The following SBNO2 variants were observed in gnomAD, a reference collection of about 807,000 sequenced individuals.
SBNO2 encodes the protein strawberry notch homolog 2, also known as protein strawberry notch homolog 2.
In SBNO2, 89 loss-of-function variants were observed where a neutral mutation model predicts 146.3. That is an observed-to-expected ratio of 0.61 (90% CI 0.51 to 0.73). The LOEUF is 0.73. Ranked by LOEUF, SBNO2 falls within the 30% of genes least tolerant of loss-of-function variation. The pLI is 0.00. For synonymous variants in SBNO2, 1,147 were observed against 892.6 expected (o/e 1.29, Z -5.08); for missense variants, 2,092 against 2,003.7 (o/e 1.04, Z -0.84).
rs2079733807 is a variant in SBNO2 at position 1,109,855 on chromosome 19, G to A, written c.3029-78C>T. The stretch of plus-strand genomic sequence containing the variant: ...GGGCCAGGGTCAGTCCCGTAGCCGG[G>A]GCGCACCCTAGAGACGACCCCCCGA... On this transcript the variant is annotated intron_variant, in intron 26 of 31. Transcript: ENST00000361757. The surrounding 1 kb of genome is among the most constrained non-coding windows in gnomAD (Gnocchi z 4.2). The A allele has an allele frequency of 8.8e-7, 1 of 1,132,118 alleles. No individual in the cohort carries two copies. Among genetic ancestry groups the A allele is most frequent in the Non-Finnish European group, 1.3e-6 (1 of 792,524 alleles). 70.1% of individuals were successfully genotyped at this position (1,132,118 alleles called of 1,614,324 possible).
At chr19:1,118,215 G>C (rs779948119) in intron 14 of SBNO2, among the ~76,000 whole-genome samples, 82 of 152,324 alleles carry the variant, frequency 5.4e-4, no homozygotes, top group Middle Eastern at 6.8e-3. Context: ...GCACATGCCT[G>C]TAACCCCAGC....
intron 1 of SBNO2, among the ~76,000 whole-genome samples, chr19:1,164,615 G>A (rs1343930918): frequency 3.4e-5 from 5 of 145,348 alleles, no homozygotes; most frequent in Non-Finnish European, 7.6e-5. Flanking sequence ...GGAGGAGGAG[G>A]AGGAGGAACA....
chr19:1,113,676 C>T lies in SBNO2; in HGVS notation c.2106G>A (p.Pro702=), dbSNP rs772449297. 134 of 1,590,072 alleles carry T rather than the reference C, an allele frequency of 8.4e-5. No individual in the cohort carries two copies. The highest frequency in any genetic ancestry group is 1.9e-4 in the South Asian group (17 of 88,844). The change falls in exon 19 of 32, where the codon CCG becomes CCA. Residue 702 remains proline (P), a synonymous_variant. Transcript: ENST00000361757. ...RGPLCLLQRD[P]HGPGVLERVE... is the part of the protein sequence containing the mutation. ...CCCGCTCCAGGACCCCGGGGCCATG[C>T]GGGTCTCTCTGCAGGAGGCACAGGG...
chr19:1,159,036 C>T (rs2080318811), intron 1 of SBNO2, among the ~76,000 whole-genome samples: 1 of 151,212 alleles, frequency 6.6e-6, no homozygotes, highest in African/African-American at 2.4e-5. Flanking sequence ...CATGACCCCA[C>T]CTGCAGCCAT....
chr19:1,169,804 G>C (rs1412819273), intron 1 of SBNO2, among the ~76,000 whole-genome samples: 1 of 152,184 alleles, frequency 6.6e-6, no homozygotes, highest in Non-Finnish European at 1.5e-5. Flanking sequence ...CACACCAGGA[G>C]GGGCACCTGT....
intron 1 of SBNO2, among the ~76,000 whole-genome samples, chr19:1,161,058 G>A (rs1177485701): frequency 7.1e-6 from 1 of 139,868 alleles, no homozygotes; most frequent in Non-Finnish European, 1.6e-5. Context: ...CGGGAGCACC[G>A]GGAGGTGGGG....
chr19:1,108,748 G>A, intron 31 of SBNO2, 31 bp downstream of exon 31: 1 of 1,590,952 alleles, frequency 6.3e-7, no homozygotes, highest in Non-Finnish European at 8.5e-7. Flanking sequence ...TGGGGGCTCG[G>A]GCCTTCCCGG....
chr19:1,109,450 C>A lies in SBNO2; in HGVS notation c.3217-27G>T. 5.1e-6 allele frequency: 8 copies of A among 1,563,292 alleles called. No homozygotes were observed. Among genetic ancestry groups the A allele is most frequent in the Non-Finnish European group, 6.9e-6 (8 of 1,155,154 alleles). On this transcript the variant is annotated intron_variant, in intron 28 of 31. Coordinates refer to ENST00000361757, the MANE Select transcript of SBNO2 (RefSeq NM_014963.3). This position sits in a 1 kb window ranked among gnomAD's most constrained non-coding sequence, Gnocchi z 4.2. The stretch of plus-strand genomic sequence containing the variant: ...TGCGGAGGGGGGCGTTGAGGCCGCG[C>A]CCCGGTCCGCCCCCCGCGGGCCCTC...
At chr19:1,159,082 C>T (rs975688833) in intron 1 of SBNO2, among the ~76,000 whole-genome samples, 22 of 152,164 alleles carry the variant, frequency 1.4e-4, no homozygotes, top group African/African-American at 5.1e-4. Flanking sequence ...GCCCCACAGC[C>T]GTGACCCCAC....
intron 19 of SBNO2, 116 bp from the exon 20 acceptor site, chr19:1,113,065 C>A: frequency 8.3e-7 from 1 of 1,207,902 alleles, no homozygotes; most frequent in Non-Finnish European, 1.1e-6. Flanking sequence ...CAGCTGTGCA[C>A]GGGAGGTGGG....
chr19:1,132,364 C>T, intron 4 of SBNO2: 2 of 1,156,250 alleles, frequency 1.7e-6, no homozygotes, highest in East Asian at 3.2e-5. Flanking sequence ...AGGGCAATTA[C>T]CGGCAGTGCG....
chr19:1,122,592 T>TTGCCC, intron 9 of SBNO2, 34 bp from the exon 10 acceptor site: 1 of 1,455,710 alleles, frequency 6.9e-7, no homozygotes, highest in Non-Finnish European at 9.2e-7. Context: ...CGCCCACCCT[T>TTGCCC]CCCCCTCGCC....
At chr19:1,149,558 T>A (rs1461074823) in intron 2 of SBNO2, 116 bp from the exon 3 acceptor site, 1 of 908,654 alleles carries the variant, frequency 1.1e-6, no homozygotes, top group Non-Finnish European at 1.7e-6. Context: ...GCAGTCAGGG[T>A]CCCATCCCGC....
intron 2 of SBNO2, among the ~76,000 whole-genome samples, chr19:1,151,094 G>T (rs1426264434): frequency 1.3e-5 from 2 of 152,370 alleles, no homozygotes; most frequent in East Asian, 3.9e-4. Context: ...CCCTCCTCCT[G>T]CCCTTTTGGG....
chr19:1,161,765 T>A (rs2080347383), intron 1 of SBNO2, among the ~76,000 whole-genome samples: 1 of 151,990 alleles, frequency 6.6e-6, no homozygotes, highest in Non-Finnish European at 1.5e-5. Flanking sequence ...CGTAGGGAGC[T>A]GTGTGGGTCA....
At chr19:1,125,638 A>G (rs2079956594) in intron 5 of SBNO2, among the ~76,000 whole-genome samples, 1 of 151,836 alleles carries the variant, frequency 6.6e-6, no homozygotes, top group Admixed American at 6.6e-5. Flanking sequence ...GCACCACTGC[A>G]CTCCAGCCTG....
intron 24 of SBNO2, 53 bp downstream of exon 24, chr19:1,111,453 A>G (rs1434858548): frequency 1.6e-6 from 2 of 1,253,078 alleles, no homozygotes; most frequent in African/African-American, 3.0e-5. Flanking sequence ...TCTGGAGCCC[A>G]GTGCTCTGCA....
chr19:1,120,949 T>C (rs1294667631), intron 11 of SBNO2, among the ~76,000 whole-genome samples: 5 of 149,106 alleles, frequency 3.4e-5, no homozygotes, highest in Admixed American at 6.7e-5. Flanking sequence ...TGGAGAGCAG[T>C]GGGGCAATCT....
In SBNO2 at chr19:1,136,945, G is replaced by A. The variant is rs8100323; in HGVS notation, c.280-9180C>T. ...GGGATGGATGCCCGGCAGGTGGAGA[G>A]GTCCTCACAGGACAGGTGGTGGGCA... On this transcript the variant is annotated intron_variant, in intron 4 of 31. Coordinates refer to ENST00000361757, the MANE Select transcript of SBNO2 (RefSeq NM_014963.3). This position sits in a 1 kb window ranked among gnomAD's most constrained non-coding sequence, Gnocchi z 4.2. Among the ~76,000 whole-genome samples, 1 of 151,640 alleles carries A rather than the reference G, an allele frequency of 6.6e-6. No homozygotes were observed. The highest frequency in any genetic ancestry group is 2.4e-5 in the African/African-American group (1 of 41,192).
Sources: allele counts gnomAD v4.1 joint callset (sites outside exome capture counted in the v4.1 genomes callset), GRCh38; gene constraint gnomAD v4.1.1; non-coding constraint Gnocchi (gnomAD v3.1); transcripts MANE v1.5; gene names NCBI Gene and HGNC (gene_info 2026-07-23, HGNC 2026-07-21).